The following NT5DC1 variants were observed in gnomAD, a reference collection of about 807,000 sequenced individuals.
NT5DC1 encodes the protein 5'-nucleotidase domain-containing protein 1.
Under a neutral mutation model 59.4 loss-of-function variants are expected in NT5DC1, and 42 were observed. The ratio of observed to expected loss-of-function variants is 0.71; its 90% CI spans 0.55 to 0.92. The LOEUF is 0.92. NT5DC1 is among the 40% of genes least tolerant of loss of function. The pLI, the probability that NT5DC1 is intolerant of heterozygous loss-of-function variation, is 0.00. For synonymous variants in NT5DC1, 172 were observed against 188.1 expected (o/e 0.91, Z 0.70); for missense variants, 501 against 537.1 (o/e 0.93, Z 0.66).
chr6:116,122,562 G>T (rs1779162496), intron 6 of NT5DC1, among the ~76,000 whole-genome samples: 2 of 152,156 alleles, frequency 1.3e-5, no homozygotes, highest in Admixed American at 1.3e-4. Context: ...ACATAAAATA[G>T]TATTAAAGTT....
intron 10 of NT5DC1, 131 bp downstream of exon 10, chr6:116,238,479 AAAAAAG>A: frequency 6.6e-6 from 3 of 458,008 alleles, no homozygotes; most frequent in Admixed American, 4.3e-5. Context: ...AAAAAAAAAA[AAAAAAG>A]AGACTAATAA....
At chr6:116,131,437 G>A (rs1301805974) in intron 6 of NT5DC1, among the ~76,000 whole-genome samples, 1 of 151,994 alleles carries the variant, frequency 6.6e-6, no homozygotes, top group Non-Finnish European at 1.5e-5. Flanking sequence ...TAAGTAAATG[G>A]CATCACAGTG....
chr6:116,136,824 A>T (rs575597199), intron 6 of NT5DC1, among the ~76,000 whole-genome samples: 1 of 152,344 alleles, frequency 6.6e-6, no homozygotes, highest in African/African-American at 2.4e-5. Flanking sequence ...TCAGATTCAG[A>T]TACGAAACAG....
At chr6:116,105,993 G>A (rs1778759638) in intron 1 of NT5DC1, among the ~76,000 whole-genome samples, 1 of 152,166 alleles carries the variant, frequency 6.6e-6, no homozygotes, top group African/African-American at 2.4e-5. Context: ...TTCAGGAGTA[G>A]GGTTAATAAT....
chr6:116,156,826 C>T lies in NT5DC1; in HGVS notation c.529+38881C>T, dbSNP rs141054797. On this transcript the variant is annotated intron_variant, in intron 6 of 11. Transcript: ENST00000319550. ...CAGATAGCAATAATTTTGTGCTTCA[C>T]GTCCTCTCCCCAGGCCACCCCACGG... 6.0e-5 allele frequency among the ~76,000 whole-genome samples: 9 copies of T among 150,754 alleles called. No individual in the cohort carries two copies. The East Asian group carries it at 1.6e-3, about 26-fold the overall frequency.
intron 6 of NT5DC1, among the ~76,000 whole-genome samples, chr6:116,131,590 T>C (rs1779466927): frequency 6.6e-6 from 1 of 152,178 alleles, no homozygotes; most frequent in African/African-American, 2.4e-5. Flanking sequence ...TGGTACTCCA[T>C]TGTATAGATG....
In NT5DC1 at chr6:116,163,137, A is replaced by ATATAT. The variant is rs1554197055; in HGVS notation, c.529+45192_529+45193insTATAT. Among the ~76,000 whole-genome samples the ATATAT allele has an allele frequency of 8.1e-3, 852 of 105,194 alleles. 8 individuals carry two copies. Among genetic ancestry groups the ATATAT allele is most frequent in the South Asian group, 0.06 (208 of 3,458 alleles). 69.0% of individuals were successfully genotyped at this position (105,194 alleles called of 152,430 possible). A position where few individuals can be genotyped will look rare whatever the true frequency, so the allele number is the denominator to read the frequency against. On this transcript the variant is annotated intron_variant, in intron 6 of 11. Coordinates refer to ENST00000319550, the MANE Select transcript of NT5DC1 (RefSeq NM_152729.3). ...GCGAGACTCCGTCTCAAAAAAAAAA[A>ATATAT]AAAAATATATATATATATATATATA... is the stretch of plus-strand genomic sequence containing the variant.
intron 5 of NT5DC1, among the ~76,000 whole-genome samples, chr6:116,115,993 A>G (rs1196808140): frequency 1.3e-5 from 2 of 152,134 alleles, no homozygotes; most frequent in African/African-American, 2.4e-5. Flanking sequence ...CCTATTCTCC[A>G]GCAGAGGGGG....
At chr6:116,209,133 G>A (rs1286283761) in intron 6 of NT5DC1, among the ~76,000 whole-genome samples, 3 of 151,790 alleles carry the variant, frequency 2.0e-5, no homozygotes, top group East Asian at 3.9e-4. Context: ...TTTTTATTAC[G>A]TTACTGTCCC....
intron 6 of NT5DC1, among the ~76,000 whole-genome samples, chr6:116,181,653 A>G (rs137892065): frequency 3.3e-5 from 5 of 152,218 alleles, no homozygotes; most frequent in African/African-American, 9.6e-5. Flanking sequence ...AACACAATCA[A>G]TTGGAAACTT....
intron 3 of NT5DC1, 112 bp downstream of exon 3, chr6:116,108,547 G>C (rs1463151565): frequency 1.5e-6 from 1 of 679,188 alleles, no homozygotes; most frequent in Non-Finnish European, 2.7e-6. Context: ...TAATTAATCA[G>C]ATGACAGATT....
chr6:116,102,745 A>G (rs761094861), intron 1 of NT5DC1, among the ~76,000 whole-genome samples: 2 of 152,266 alleles, frequency 1.3e-5, no homozygotes, highest in African/African-American at 2.4e-5. Flanking sequence ...TAAGTCCCAC[A>G]GTGTGCTGAG....
At position 116,223,051 on chromosome 6, in the gene NT5DC1, T is replaced by C. The variant is rs780190152; in HGVS notation, c.722T>C (p.Leu241Pro). 6.3e-7 allele frequency: 1 copy of C among 1,596,224 alleles called. No homozygotes were observed. Residue 241 changes from leucine (L) to proline (P), a missense_variant, in exon 8 of 12, where the codon CTT (leucine) becomes CCT (proline). Physicochemically the swap from Leu to Pro is moderately conservative, Grantham distance 98. Coordinates refer to ENST00000319550, the MANE Select transcript of NT5DC1 (RefSeq NM_152729.3). ...GCTTTTAGGAATGATTTTACAGACC[T>C]TTTTGACATTGTGATTACAAATGCA... ...EYILGNDFTD[L>P]FDIVITNALK... is the part of the protein sequence containing the mutation.
At chr6:116,200,093 A>G (rs937538078) in intron 6 of NT5DC1, among the ~76,000 whole-genome samples, 1 of 151,984 alleles carries the variant, frequency 6.6e-6, no homozygotes, top group Non-Finnish European at 1.5e-5. Flanking sequence ...CCTTAATAGT[A>G]TATACCCTTA....
intron 6 of NT5DC1, among the ~76,000 whole-genome samples, chr6:116,135,801 G>A (rs1779575840): frequency 1.6e-5 from 2 of 124,862 alleles, no homozygotes; most frequent in Admixed American, 8.4e-5. Context: ...TAAATTAAAA[G>A]TATATATATT....
intron 6 of NT5DC1, among the ~76,000 whole-genome samples, chr6:116,209,734 A>G (rs1781535306): frequency 6.6e-6 from 1 of 151,948 alleles, no homozygotes; most frequent in Non-Finnish European, 1.5e-5. Context: ...GTTTCCAGAT[A>G]ATAGCAGAGA....
At chr6:116,219,588 T>C (rs953573114) in intron 6 of NT5DC1, among the ~76,000 whole-genome samples, 1 of 152,044 alleles carries the variant, frequency 6.6e-6, no homozygotes, top group Non-Finnish European at 1.5e-5. Context: ...AAGAGGGAGA[T>C]GGATGTGGGG....
rs57839520 is a variant in NT5DC1 at position 116,246,468 on chromosome 6, T to TACACACACACACACACAC, written c.*2453_*2470dup. Reference sequence around the variant, plus strand: ...ATTCATATCCAAAAATAACTTTAAATACACACACACACACACACACACACA... The same window carrying TACACACACACACACACAC: ...ATTCATATCCAAAAATAACTTTAAATACACACACACACACACACACACACACACACACACACACACACA... On this transcript the variant is annotated 3_prime_UTR_variant, in exon 12 of 12. Coordinates refer to ENST00000319550, the MANE Select transcript of NT5DC1 (RefSeq NM_152729.3). 86 of 149,562 alleles carry TACACACACACACACACAC rather than the reference T, an allele frequency of 5.8e-4. No individual in the cohort carries two copies. Among genetic ancestry groups the TACACACACACACACACAC allele is most frequent in the African/African-American group, 1.8e-3 (74 of 40,534 alleles). The allele number at this position is 149,562 out of a possible 1,614,324, so 9.3% of individuals were successfully genotyped here.
chr6:116,227,672 G>A (rs776324668), intron 8 of NT5DC1, among the ~76,000 whole-genome samples: 5 of 152,092 alleles, frequency 3.3e-5, no homozygotes, highest in Non-Finnish European at 5.9e-5. Flanking sequence ...GGTATGAGGT[G>A]ATATCTCATT....
Sources: allele counts gnomAD v4.1 joint callset (sites outside exome capture counted in the v4.1 genomes callset), GRCh38; gene constraint gnomAD v4.1.1; transcripts MANE v1.5; gene names NCBI Gene and HGNC (gene_info 2026-07-23, HGNC 2026-07-21).